MADD: variants seen among roughly 807,000 people sequenced by gnomAD.
MADD encodes the protein MAP kinase-activating death domain protein.
In MADD, 109 loss-of-function variants were observed where a neutral mutation model predicts 176.7. The observed-to-expected ratio is 0.62, with a 90% CI of 0.53 to 0.72. The LOEUF is 0.72. Ranked by LOEUF, MADD falls within the 30% of genes least tolerant of loss-of-function variation. The pLI, the probability that MADD is intolerant of heterozygous loss-of-function variation, is 0.00. For synonymous variants in MADD, 771 were observed against 771.3 expected, an observed-to-expected ratio of 1.00 and a Z score of 0.01; for missense variants, 1,914 against 2,045.5, an observed-to-expected ratio of 0.94 and a Z score of 1.24.
chr11:47,297,306 C>T (rs1034604210), intron 22 of MADD, among the ~76,000 whole-genome samples: 1 of 152,156 alleles, frequency 6.6e-6, no homozygotes, highest in Non-Finnish European at 1.5e-5. Context: ...AGTGACCTCC[C>T]AGAGTGGAGA....
intron 22 of MADD, among the ~76,000 whole-genome samples, chr11:47,301,407 C>T (rs973509349): frequency 5.3e-5 from 8 of 152,162 alleles, no homozygotes; most frequent in African/African-American, 1.7e-4. Flanking sequence ...CATGAGCCAC[C>T]ACGCCCGGCC....
At chr11:47,305,371 GA>G (rs1449754444) in intron 22 of MADD, among the ~76,000 whole-genome samples, 1 of 152,154 alleles carries the variant, frequency 6.6e-6, no homozygotes, top group Non-Finnish European at 1.5e-5. Flanking sequence ...GCCAGGATCT[GA>G]GGCACCCGCT....
At chr11:47,318,563 T>C (rs972101365) in intron 27 of MADD, among the ~76,000 whole-genome samples, 1 of 152,188 alleles carries the variant, frequency 6.6e-6, no homozygotes, top group Non-Finnish European at 1.5e-5. Context: ...TTCCTTGAAC[T>C]ACTCTTACTC....
intron 22 of MADD, among the ~76,000 whole-genome samples, chr11:47,307,550 T>C (rs2083872851): frequency 6.6e-6 from 1 of 152,220 alleles, no homozygotes; most frequent in Admixed American, 6.5e-5. Flanking sequence ...GATTAGGTCT[T>C]ACCCAATAAC....
intron 21 of MADD, 69 bp from the exon 24 acceptor site, chr11:47,295,828 C>G (rs967666968): frequency 3.0e-5 from 47 of 1,553,442 alleles, no homozygotes; most frequent in Admixed American, 4.1e-5. Context: ...TGGCAGGGAG[C>G]TCTAACAGCT....
intron 28 of MADD, 115 bp downstream of exon 31, chr11:47,323,950 CA>C: frequency 8.3e-7 from 1 of 1,208,824 alleles, no homozygotes; most frequent in African/African-American, 1.5e-5. Context: ...CTTCTGTCTC[CA>C]GCTGTTGGGT....
At chr11:47,293,851 G>A in intron 19 of MADD, 32 bp from the exon 22 acceptor site, 3 of 1,429,146 alleles carry the variant, frequency 2.1e-6, no homozygotes, top group Non-Finnish European at 3.0e-6. Context: ...TAGCCTTTGT[G>A]CACGGAGTAA....
chr11:47,278,705 G>A (rs1056784872), intron 6 of MADD, among the ~76,000 whole-genome samples: 2 of 152,070 alleles, frequency 1.3e-5, no homozygotes, highest in Non-Finnish European at 2.9e-5. Flanking sequence ...AAGCCCTTAT[G>A]TGTGCTCATT....
chr11:47,274,452 C>A, intron 2 of MADD, 111 bp from the exon 3 acceptor site: 2 of 889,010 alleles, frequency 2.2e-6, no homozygotes, highest in Non-Finnish European at 1.8e-6. Context: ...GTGTTACAGT[C>A]AGGTTACTTT....
intron 22 of MADD, among the ~76,000 whole-genome samples, chr11:47,302,802 T>C (rs1483186043): frequency 6.6e-6 from 1 of 152,224 alleles, no homozygotes; most frequent in Non-Finnish European, 1.5e-5. Flanking sequence ...TTGTTAATTG[T>C]TTTCTGATTA....
chr11:47,273,922 A>T, exon 2 of MADD: 2 of 1,614,134 alleles, frequency 1.2e-6, no homozygotes, highest in Non-Finnish European at 1.7e-6. Context: ...ACCATGGTGC[A>T]AAAGAAGAAG....
rs369658776 is a variant in MADD, at chr11:47,323,652, G to A, written c.4198-19G>A. 39 of 1,609,548 alleles carry A rather than the reference G, an allele frequency of 2.4e-5. No homozygotes were observed. Among genetic ancestry groups the A allele is most frequent in the Non-Finnish European group, 2.9e-5 (34 of 1,177,520 alleles). On this transcript the variant is annotated intron_variant, in intron 27 of 32. Coordinates refer to ENST00000402192, the Ensembl canonical transcript of MADD. ...TGTCAGAGACAGGAACCACTGAGCC[G>A]CTTTGTGCACTTCTCCAGGTGTGCG...
chr11:47,274,609 C>T lies in MADD; in HGVS notation c.109C>T (p.Arg37Ter). The T allele has an allele frequency of 3.1e-6, 5 of 1,614,148 alleles. No individual in the cohort carries two copies. The highest frequency in any genetic ancestry group is 1.1e-5 in the South Asian group (1 of 91,078). Residue 37 changes from arginine (R) to a stop codon, truncating the protein, a stop_gained, in exon 3 of 33, where the codon CGA (arginine) becomes TGA (stop). Transcript: ENST00000402192. LOFTEE classifies it high-confidence loss of function. ...GGCCCAGACTCCTGAATTGCTACGGCGATACCCCTTGGAGGATCACACTGA... is the reference window on the plus strand; with the variant it reads ...GGCCCAGACTCCTGAATTGCTACGGTGATACCCCTTGGAGGATCACACTGA...
intron 25 of MADD, among the ~76,000 whole-genome samples, chr11:47,310,771 G>T (rs1401241546): frequency 6.6e-6 from 1 of 151,814 alleles, no homozygotes; most frequent in Non-Finnish European, 1.5e-5. Context: ...GCTGGGCATG[G>T]TGGCTCATGC....
chr11:47,323,328 G>T (rs1350941015), intron 27 of MADD, among the ~76,000 whole-genome samples: 2 of 151,676 alleles, frequency 1.3e-5, no homozygotes, highest in African/African-American at 4.9e-5. Context: ...AACCTGGCTG[G>T]TCGAGGCTGC....
intron 1 of MADD, among the ~76,000 whole-genome samples, chr11:47,273,620 G>A (rs1424045891): frequency 8.1e-6 from 1 of 123,484 alleles, no homozygotes; most frequent in Admixed American, 8.9e-5. Flanking sequence ...ACAGGCGTGA[G>A]CCACCATGCC....
exon 13 of MADD, chr11:47,285,096 A>G (rs1260330559): frequency 1.2e-6 from 2 of 1,614,110 alleles, no homozygotes; most frequent in South Asian, 1.1e-5. Context: ...ATGACAATCC[A>G]TACTTCGAGC....
chr11:47,311,714 C>T lies in MADD; in HGVS notation c.3979-18C>T. ...GGAGAGCAGATCCCTTGTTAAGAGT[C>T]ATGTGTTGGCTTTTCAGGTAAATAA... On this transcript the variant is annotated intron_variant, in intron 25 of 32. Transcript: ENST00000402192. 1 of 1,489,030 alleles carries T rather than the reference C, an allele frequency of 6.7e-7. No homozygotes were observed. The highest frequency in any genetic ancestry group is 2.3e-5 in the East Asian group (1 of 44,310). 92.2% of individuals were successfully genotyped at this position (1,489,030 alleles called of 1,614,324 possible).
At chr11:47,309,234 T>G in intron 23 of MADD, 47 bp from the exon 27 acceptor site, 2 of 1,592,068 alleles carry the variant, frequency 1.3e-6, no homozygotes, top group Non-Finnish European at 1.7e-6. Context: ...GGCAGCTATA[T>G]TCTTAAATGT....
Sources: gnomAD v4.1 joint callset for allele counts (sites outside exome capture counted in the v4.1 genomes callset) on GRCh38, gnomAD v4.1.1 for gene constraint, MANE v1.5 for transcripts, NCBI Gene and HGNC (gene_info 2026-07-23, HGNC 2026-07-21) for gene names.